Variants in TMEM132C observed in about 807,000 individuals in gnomAD.
The protein encoded by TMEM132C is protein phosphatase 1, regulatory subunit 152.
TMEM132C carries 29 observed loss-of-function variants against 61.4 expected under a neutral mutation model. That is an observed-to-expected ratio of 0.47 (90% CI 0.35 to 0.64). The LOEUF (loss-of-function observed/expected upper bound fraction) is 0.64. Among genes scored for constraint, TMEM132C ranks in the 30% least tolerant of loss-of-function variants. TMEM132C has a pLI of 0.00. For missense variants in TMEM132C, 1,408 were observed against 1,476.9 expected (o/e 0.95, Z 0.76); for synonymous variants, 656 against 633.1 (o/e 1.04, Z -0.54).
intron 1 of TMEM132C, among the ~76,000 whole-genome samples, chr12:128,399,466 C>T (rs1358383889): frequency 6.6e-6 from 1 of 152,184 alleles, no homozygotes; most frequent in East Asian, 1.9e-4. Context: ...AGCAAATGCA[C>T]ATATTTAAAT....
At chr12:128,552,314 A>T (rs937494916) in intron 3 of TMEM132C, among the ~76,000 whole-genome samples, 2 of 152,238 alleles carry the variant, frequency 1.3e-5, no homozygotes, top group Admixed American at 1.3e-4. Context: ...TAGATTTTAT[A>T]GTGCTTGACA....
chr12:128,625,493 C>T (rs994993457), intron 4 of TMEM132C, among the ~76,000 whole-genome samples: 3 of 152,206 alleles, frequency 2.0e-5, no homozygotes, highest in Admixed American at 1.3e-4. Flanking sequence ...TACAGTTCCA[C>T]ATGGCTGGGG....
At chr12:128,518,071 C>T (rs1289831605) in intron 2 of TMEM132C, among the ~76,000 whole-genome samples, 1 of 152,198 alleles carries the variant, frequency 6.6e-6, no homozygotes, top group African/African-American at 2.4e-5. Flanking sequence ...GGTTAAGCTC[C>T]AGCCTTTTCT....
intron 2 of TMEM132C, among the ~76,000 whole-genome samples, chr12:128,480,522 G>A (rs562543022): frequency 9.3e-4 from 141 of 152,346 alleles, no homozygotes; most frequent in Middle Eastern, 6.8e-3. Flanking sequence ...AGCCCATGCG[G>A]GAGCTGAGGC....
chr12:128,706,389 G>C lies in TMEM132C; in HGVS notation c.*94G>C. The C allele has an allele frequency of 7.0e-7, 1 of 1,419,616 alleles. No homozygotes were observed. The highest frequency in any genetic ancestry group is 9.2e-7 in the Non-Finnish European group (1 of 1,084,674). 87.9% of individuals were successfully genotyped at this position (1,419,616 alleles called of 1,614,324 possible). On this transcript the variant is annotated 3_prime_UTR_variant, in exon 9 of 9. Coordinates refer to ENST00000435159, the MANE Select transcript of TMEM132C (RefSeq NM_001136103.3). Reference sequence around the variant, plus strand: ...AGGCGTTGTCAGTGGGGTTAAGAAGGGACGGTCCCAGGGTCCATGCTAGAC... The same window carrying C: ...AGGCGTTGTCAGTGGGGTTAAGAAGCGACGGTCCCAGGGTCCATGCTAGAC...
chr12:128,428,368 G>T, intron 2 of TMEM132C, among the ~76,000 whole-genome samples: 1 of 152,184 alleles, frequency 6.6e-6, no homozygotes, highest in Non-Finnish European at 1.5e-5. Flanking sequence ...TCTCCTGCTG[G>T]TTCTCTACAT....
chr12:128,592,551 C>T (rs1454213869), intron 3 of TMEM132C, among the ~76,000 whole-genome samples: 2 of 152,222 alleles, frequency 1.3e-5, no homozygotes, highest in African/African-American at 2.4e-5. Context: ...CATAGATTTC[C>T]ACTCCAGATA....
chr12:128,326,170 G>C lies in TMEM132C; in HGVS notation c.85+58683G>C, dbSNP rs1222453759. On this transcript the variant is annotated intron_variant, in intron 1 of 8. Transcript: ENST00000435159. The surrounding 1 kb of genome is among the most constrained non-coding windows in gnomAD (Gnocchi z 5.6). ...GTCACATTTTATTGTTTTTATGAGG[G>C]TGAGGGAACTGTACAATTATTTATC... 6.6e-6 allele frequency among the ~76,000 whole-genome samples: 1 copy of C among 152,068 alleles called. No individual in the cohort carries two copies. Among genetic ancestry groups the C allele is most frequent in the Non-Finnish European group, 1.5e-5 (1 of 68,022 alleles).
At chr12:128,336,582 A>G (rs1176670566) in intron 1 of TMEM132C, among the ~76,000 whole-genome samples, 1 of 152,216 alleles carries the variant, frequency 6.6e-6, no homozygotes, top group Non-Finnish European at 1.5e-5. Flanking sequence ...TCAAATACAC[A>G]GTCATTTATC....
Position 128,622,358 on chromosome 12 carries a change from AAAATATATATATATATATATAT to A in TMEM132C, c.1305+6025_1305+6046del, listed in dbSNP as rs1398145102. 3.5e-4 allele frequency among the ~76,000 whole-genome samples: 17 copies of A among 48,290 alleles called. 1 individual carries two copies. Among genetic ancestry groups the A allele is most frequent in the African/African-American group, 1.7e-3 (14 of 8,442 alleles). The allele number at this position is 48,290 out of a possible 152,430, so 31.7% of individuals were successfully genotyped here. ...GACTTTGTCTCAAAAAAAAAAAAAA[AAAATATATATATATATATATAT>A]ATATATATATATATATATATAACCA... On this transcript the variant is annotated intron_variant, in intron 4 of 8. Transcript: ENST00000435159.
chr12:128,452,898 T>C (rs1870224958), intron 2 of TMEM132C, among the ~76,000 whole-genome samples: 2 of 152,192 alleles, frequency 1.3e-5, no homozygotes, highest in Admixed American at 1.3e-4. Flanking sequence ...TTTTCATTTA[T>C]GAAGATAATA....
intron 4 of TMEM132C, among the ~76,000 whole-genome samples, chr12:128,665,132 C>G (rs189664144): frequency 1.7e-3 from 253 of 150,664 alleles, no homozygotes; most frequent in African/African-American, 5.9e-3. Context: ...CACACATAGG[C>G]ACATGTACCC....
intron 3 of TMEM132C, among the ~76,000 whole-genome samples, chr12:128,611,959 T>G (rs1876649170): frequency 6.6e-6 from 1 of 152,216 alleles, no homozygotes; most frequent in Non-Finnish European, 1.5e-5. Context: ...TGGGGTTGCA[T>G]TTTCTTCAAC....
At chr12:128,487,004 A>G (rs1460659898) in intron 2 of TMEM132C, among the ~76,000 whole-genome samples, 1 of 152,000 alleles carries the variant, frequency 6.6e-6, no homozygotes, top group African/African-American at 2.4e-5. Context: ...TAAGGCTGTA[A>G]ATTGCTACTC....
chr12:128,362,078 A>C (rs1873723940), intron 1 of TMEM132C, among the ~76,000 whole-genome samples: 1 of 152,090 alleles, frequency 6.6e-6, no homozygotes, highest in African/African-American at 2.4e-5. Flanking sequence ...TCAGCCACTC[A>C]CTGGGCAGCT....
intron 1 of TMEM132C, 130 bp from the exon 2 acceptor site, chr12:128,414,602 A>C (rs1418756973): frequency 9.9e-7 from 1 of 1,005,638 alleles, no homozygotes; most frequent in Non-Finnish European, 1.4e-6. Context: ...AGAATATAAA[A>C]ATTCTAGCCA....
In TMEM132C at chr12:128,661,063, AATAG is replaced by A. The variant is rs895574735; in HGVS notation, c.1306-8348_1306-8345del. ...AGATTGGATAGATGATAGACACATA[AATAG>A]ATAGACAGATGATTGATAGGCTAGA... On this transcript the variant is annotated intron_variant, in intron 4 of 8. Transcript: ENST00000435159. 3.9e-4 allele frequency among the ~76,000 whole-genome samples: 59 copies of A among 151,870 alleles called. 1 individual carries two copies. The highest frequency in any genetic ancestry group is 1.3e-3 in the African/African-American group (52 of 41,172).
intron 4 of TMEM132C, among the ~76,000 whole-genome samples, chr12:128,617,182 G>A (rs935968192): frequency 7.2e-5 from 11 of 152,292 alleles, no homozygotes; most frequent in East Asian, 5.8e-4. Context: ...CCATGTCAGC[G>A]CGGCTGGTCT....
intron 2 of TMEM132C, among the ~76,000 whole-genome samples, chr12:128,445,996 G>A (rs1427368612): frequency 6.6e-6 from 1 of 152,090 alleles, no homozygotes; most frequent in Admixed American, 6.6e-5. Flanking sequence ...TTCATCATGC[G>A]GCATTTTCCT....
Sources: allele counts gnomAD v4.1 joint callset (sites outside exome capture counted in the v4.1 genomes callset), GRCh38; gene constraint gnomAD v4.1.1; non-coding constraint Gnocchi (gnomAD v3.1); transcripts MANE v1.5; gene names NCBI Gene and HGNC (gene_info 2026-07-23, HGNC 2026-07-21).